PTPRQ: variants seen among roughly 807,000 people sequenced by gnomAD.
PTPRQ encodes the protein phosphatidylinositol phosphatase PTPRQ.
Under a neutral mutation model 246.0 loss-of-function variants are expected in PTPRQ, and 199 were observed. That is an observed-to-expected ratio of 0.81 (90% CI 0.72 to 0.91). PTPRQ has a LOEUF of 0.91. Ranked by LOEUF, PTPRQ falls within the 40% of genes least tolerant of loss-of-function variation. PTPRQ has a pLI of 0.00. For synonymous variants in PTPRQ, 869 were observed against 853.2 expected (o/e 1.02, Z -0.32); for missense variants, 2,624 against 2,528.4 (o/e 1.04, Z -0.81).
At chr12:80,655,438 A>C (rs1203763161) in intron 38 of PTPRQ, among the ~76,000 whole-genome samples, 1 of 152,130 alleles carries the variant, frequency 6.6e-6, no homozygotes, top group Non-Finnish European at 1.5e-5. Flanking sequence ...TTTCTGGGTG[A>C]ATAAGGTTAA....
intron 25 of PTPRQ, among the ~76,000 whole-genome samples, chr12:80,585,134 T>A (rs1249784921): frequency 1.3e-5 from 2 of 152,070 alleles, no homozygotes; most frequent in Non-Finnish European, 2.9e-5. Flanking sequence ...TCCTTCTGGG[T>A]GTCTGAGAGG....
chr12:80,654,204 C>T (rs893273812), intron 38 of PTPRQ, among the ~76,000 whole-genome samples: 1 of 152,248 alleles, frequency 6.6e-6, no homozygotes, highest in East Asian at 1.9e-4. Context: ...CAAGCAATCT[C>T]CTGCCTCAGC....
intron 26 of PTPRQ, among the ~76,000 whole-genome samples, chr12:80,602,694 C>T (rs887156298): frequency 6.6e-6 from 1 of 151,788 alleles, no homozygotes; most frequent in Non-Finnish European, 1.5e-5. Context: ...CATACCATCA[C>T]ATTGGCCATT....
At chr12:80,632,524 A>G (rs1475413471) in intron 34 of PTPRQ, among the ~76,000 whole-genome samples, 2 of 152,220 alleles carry the variant, frequency 1.3e-5, no homozygotes, top group Non-Finnish European at 2.9e-5. Context: ...TGAACAGAAA[A>G]CATTTAATGT....
rs1264156948 is a variant in PTPRQ, at chr12:80,444,829, T to TAGTG, written c.145_148dup (p.Thr50SerfsTer33). On this transcript the variant is annotated frameshift_variant, in exon 2 of 45. Coordinates refer to ENST00000644991, the MANE Select transcript of PTPRQ (RefSeq NM_001145026.2). LOFTEE classifies it high-confidence loss of function. ...ACATACACCTCACCTGTTACTAGAA[T>TAGTG]AGTGACAACAAATGTAACAAGTGAG... 6.5e-7 allele frequency: 1 copy of TAGTG among 1,532,670 alleles called. No homozygotes were observed. The highest frequency in any genetic ancestry group is 1.4e-5 in the African/African-American group (1 of 72,336). The allele number at this position is 1,532,670 out of a possible 1,614,324, so 94.9% of individuals were successfully genotyped here.
In PTPRQ at chr12:80,510,419, T is replaced by C. The variant is rs1895090995; in HGVS notation, c.2654T>C (p.Ile885Thr). The change falls in exon 17 of 45, where the codon ATC becomes ACC. Residue 885 changes from isoleucine (I) to threonine (T), a missense_variant. Coordinates refer to ENST00000644991, the MANE Select transcript of PTPRQ (RefSeq NM_001145026.2). ...WQPPLEPNGI[I>T]LYYTVYVWNR... ...CCACCCCTGGAGCCAAATGGAATTA[T>C]CCTTTATTACACAGTTTATGTCTGG... is the stretch of plus-strand genomic sequence containing the variant. 4.5e-6 allele frequency: 7 copies of C among 1,550,400 alleles called. No individual in the cohort carries two copies. The highest frequency in any genetic ancestry group is 3.6e-5 in the South Asian group (3 of 83,950).
At chr12:80,636,690 C>T (rs142117358) in intron 35 of PTPRQ, among the ~76,000 whole-genome samples, 3 of 152,142 alleles carry the variant, frequency 2.0e-5, no homozygotes, top group African/African-American at 7.2e-5. Context: ...CGACCCCCTC[C>T]CCAACACTGG....
chr12:80,457,023 T>A (rs1893002511), intron 3 of PTPRQ, among the ~76,000 whole-genome samples: 1 of 152,150 alleles, frequency 6.6e-6, no homozygotes, highest in Admixed American at 6.5e-5. Flanking sequence ...TAATGACATT[T>A]TCTTTTTCTA....
chr12:80,521,795 G>T (rs539509221), intron 17 of PTPRQ, among the ~76,000 whole-genome samples: 3 of 152,122 alleles, frequency 2.0e-5, no homozygotes, highest in African/African-American at 7.2e-5. Context: ...GTCAGGTAGC[G>T]TGATGCCTCC....
intron 17 of PTPRQ, among the ~76,000 whole-genome samples, chr12:80,517,328 G>A (rs545338148): frequency 8.8e-4 from 133 of 151,998 alleles, no homozygotes; most frequent in African/African-American, 3.0e-3. Context: ...GTTGTTTACC[G>A]TGATTCCCAT....
intron 8 of PTPRQ, among the ~76,000 whole-genome samples, chr12:80,483,638 G>A (rs117369027): frequency 0.024 from 3,717 of 152,106 alleles, 38 homozygotes; most frequent in Middle Eastern, 0.065. Context: ...AGAACGTATA[G>A]GTTTGTTACA....
At chr12:80,553,448 T>G (rs1896545699) in intron 25 of PTPRQ, among the ~76,000 whole-genome samples, 1 of 152,148 alleles carries the variant, frequency 6.6e-6, no homozygotes, top group Middle Eastern at 3.2e-3. Flanking sequence ...TACAGCCTGT[T>G]GCATACTTCT....
intron 8 of PTPRQ, among the ~76,000 whole-genome samples, chr12:80,474,878 T>C (rs1229393917): frequency 1.3e-5 from 2 of 152,214 alleles, no homozygotes; most frequent in Non-Finnish European, 2.9e-5. Flanking sequence ...AAACAGACTA[T>C]GGCAGTGAAG....
At chr12:80,630,441 T>A (rs1899383410) in intron 33 of PTPRQ, among the ~76,000 whole-genome samples, 1 of 152,164 alleles carries the variant, frequency 6.6e-6, no homozygotes, top group African/African-American at 2.4e-5. Context: ...ACTTTATAGG[T>A]CTTGCTCACT....
intron 34 of PTPRQ, chr12:80,634,654 C>T: frequency 3.6e-6 from 1 of 280,616 alleles, no homozygotes. Flanking sequence ...CGTAAGTCTT[C>T]TTGGCTCTAT....
At chr12:80,463,483 C>A (rs981595247) in intron 6 of PTPRQ, among the ~76,000 whole-genome samples, 3 of 152,156 alleles carry the variant, frequency 2.0e-5, no homozygotes, top group Non-Finnish European at 4.4e-5. Flanking sequence ...TCTAGCAAGG[C>A]AGGCCAACAT....
At chr12:80,505,202 T>C (rs1271528515) in intron 14 of PTPRQ, among the ~76,000 whole-genome samples, 1 of 151,948 alleles carries the variant, frequency 6.6e-6, no homozygotes, top group African/African-American at 2.4e-5. Context: ...AAGGCAAAAC[T>C]GGCTTTAGTA....
At chr12:80,514,398 A>ACTCT (rs775868345) in intron 17 of PTPRQ, among the ~76,000 whole-genome samples, 9 of 42,270 alleles carry the variant, frequency 2.1e-4, no homozygotes, top group Non-Finnish European at 3.7e-4. Flanking sequence ...ACACACACAC[A>ACTCT]CACACTCTCT....
rs569278762 is a variant in PTPRQ, at chr12:80,462,969, T to G, written c.910+2067T>G. Among the ~76,000 whole-genome samples, 4 of 152,066 alleles carry G rather than the reference T, an allele frequency of 2.6e-5. No individual in the cohort carries two copies. The South Asian group carries it at 8.3e-4, about 32-fold the overall frequency. ...CTAAAAAGCAGAGCACCTCTCCTCC[T>G]CCAAAGGATGGCAGTTCCTCACCAG... On this transcript the variant is annotated intron_variant, in intron 6 of 44. Coordinates refer to ENST00000644991, the MANE Select transcript of PTPRQ (RefSeq NM_001145026.2).
Sources: gnomAD v4.1 joint callset for allele counts (sites outside exome capture counted in the v4.1 genomes callset) on GRCh38, gnomAD v4.1.1 for gene constraint, MANE v1.5 for transcripts, NCBI Gene and HGNC (gene_info 2026-07-23, HGNC 2026-07-21) for gene names.